THOC2: variants seen among roughly 807,000 people sequenced by gnomAD.
THOC2 encodes the protein THO complex 2.
THOC2 carries 10 observed loss-of-function variants against 128.4 expected under a neutral mutation model. That is an observed-to-expected ratio of 0.08 (90% confidence interval 0.05 to 0.13). THOC2 has a LOEUF of 0.13. Among genes scored for constraint, THOC2 ranks in the 10% least tolerant of loss-of-function variants. The probability of loss-of-function intolerance (pLI) is 1.00; values close to 1 mark genes in which losing one functional copy is unlikely to be tolerated. For missense variants in THOC2, 535 were observed against 1,155.7 expected, an observed-to-expected ratio of 0.46 and a Z score of 7.79; for synonymous variants, 393 against 396.9, an observed-to-expected ratio of 0.99 and a Z score of 0.12.
intron 2 of THOC2, among the ~76,000 whole-genome samples, chrX:123,711,716 GA>G (rs1350491783): frequency 2.7e-4 from 30 of 110,603 alleles, no homozygotes; most frequent in African/African-American, 8.9e-4. Context: ...CCGGGAGGCA[GA>G]GGTTACAGTG....
At chrX:123,676,274 T>C (rs1230223177) in intron 8 of THOC2, among the ~76,000 whole-genome samples, 1 of 111,975 alleles carries the variant, frequency 8.9e-6, no homozygotes, top group African/African-American at 3.2e-5. Context: ...AGTCAAAAGA[T>C]ACAAAAGTAG....
At chrX:123,727,165 C>T (rs1249301284) in intron 1 of THOC2, among the ~76,000 whole-genome samples, 1 of 110,179 alleles carries the variant, frequency 9.1e-6, no homozygotes, top group African/African-American at 3.3e-5. Flanking sequence ...TGCAGTGAGC[C>T]GTGATCGCCT....
At chrX:123,700,789 T>C (rs890444434) in intron 4 of THOC2, among the ~76,000 whole-genome samples, 1 of 111,874 alleles carries the variant, frequency 8.9e-6, no homozygotes, top group African/African-American at 3.2e-5. Flanking sequence ...GGAGTTGATG[T>C]AAGGATTAAA....
At chrX:123,728,475 T>C (rs1394806024) in intron 1 of THOC2, among the ~76,000 whole-genome samples, 1 of 111,060 alleles carries the variant, frequency 9.0e-6, no homozygotes, top group African/African-American at 3.3e-5. Flanking sequence ...CAGGTCGAAA[T>C]GGGAAATTAA....
chrX:123,655,379 T>G (rs1194303845), intron 12 of THOC2, among the ~76,000 whole-genome samples: 1 of 111,799 alleles, frequency 8.9e-6, no homozygotes, highest in East Asian at 2.8e-4. Context: ...GTAGTAAACA[T>G]CAGCCTCAAA....
intron 4 of THOC2, among the ~76,000 whole-genome samples, chrX:123,703,237 T>C (rs903462251): frequency 2.7e-5 from 3 of 112,116 alleles, no homozygotes; most frequent in Non-Finnish European, 5.6e-5. Context: ...GAAATCTACA[T>C]TGTCAAAAAC....
rs1299996726 is a variant in THOC2, at chrX:123,622,774, T to G, written c.3769A>C (p.Asn1257His). The G allele has an allele frequency of 8.4e-7, 1 of 1,187,315 alleles. No individual in the cohort carries two copies. Among genetic ancestry groups the G allele is most frequent in the Non-Finnish European group, 1.1e-6 (1 of 875,573 alleles). Reference protein sequence around the residue: ...TTPKGNSSNGNSGSNSNKAVK... With the variant: ...TTPKGNSSNGHSGSNSNKAVK... ...TGTTCCTACCTGTTAGAGCCACTAT[T>G]TCCATTGCTTGAATTCCCTTTAGGT... is the stretch of plus-strand genomic sequence containing the variant. Residue 1257 changes from asparagine (N) to histidine (H), a missense_variant, in exon 30 of 39, where the codon AAT becomes CAT. Around this residue, in one of 9 missense-constraint regions of THOC2, gnomAD observed 116 missense variants for 180.0 expected, o/e 0.64. Transcript: ENST00000245838.
At chrX:123,703,672 G>A (rs1297416365) in intron 3 of THOC2, among the ~76,000 whole-genome samples, 167 bp from the exon 4 acceptor site, 1 of 94,336 alleles carries the variant, frequency 1.1e-5, no homozygotes, top group Non-Finnish European at 2.0e-5. Flanking sequence ...CAGATGACTT[G>A]AGCCCAAAAG....
intron 1 of THOC2, among the ~76,000 whole-genome samples, chrX:123,732,305 CGGT>C (rs1203417832): frequency 8.9e-6 from 1 of 112,552 alleles, no homozygotes; most frequent in Non-Finnish European, 1.9e-5. Flanking sequence ...AAAGAAATGT[CGGT>C]GGTTCTTCAG....
At chrX:123,628,035 A>G in intron 22 of THOC2, 67 bp from the exon 23 acceptor site, 1 of 894,472 alleles carries the variant, frequency 1.1e-6, no homozygotes, top group Non-Finnish European at 1.6e-6. Flanking sequence ...TTTGACTTTC[A>G]TGGCATAAAA....
In THOC2 at chrX:123,668,395, T is replaced by C. The variant is rs1277537819; in HGVS notation, c.862-81A>G. On this transcript the variant is annotated intron_variant, in intron 9 of 38. Transcript: ENST00000245838. The stretch of plus-strand genomic sequence containing the variant: ...ATAAAAAGGAAACACTATTCTCAAT[T>C]GATAAAACTATAAATAAGAAGTCTA... The C allele has an allele frequency of 2.0e-5, 12 of 597,463 alleles. No homozygotes were observed. In the East Asian group the frequency reaches 4.6e-4, roughly 23 times the overall value. The allele number at this position is 597,463 out of a possible 1,213,427, so 49.2% of individuals were successfully genotyped here.
At chrX:123,731,779 C>T (rs756137489) in intron 1 of THOC2, among the ~76,000 whole-genome samples, 2 of 111,181 alleles carry the variant, frequency 1.8e-5, no homozygotes, top group Non-Finnish European at 3.8e-5. Flanking sequence ...CATAGGCTGG[C>T]ACTATTACAA....
At chrX:123,671,873 A>G (rs1474169292) in intron 8 of THOC2, 112 bp from the exon 9 acceptor site, 3 of 375,538 alleles carry the variant, frequency 8.0e-6, no homozygotes, top group Non-Finnish European at 1.4e-5. Flanking sequence ...AGGCCAAGAA[A>G]ATGCTTCACT....
intron 3 of THOC2, among the ~76,000 whole-genome samples, chrX:123,704,401 G>C (rs1394763259): frequency 8.9e-6 from 1 of 111,876 alleles, no homozygotes; most frequent in Non-Finnish European, 1.9e-5. Context: ...GAATATATTT[G>C]GTAATGCTGG....
At position 123,648,674 on chromosome X, in the gene THOC2, C is replaced by G. The variant is rs1003048102; in HGVS notation, c.1387-3299G>C. Among the ~76,000 whole-genome samples, 3 of 112,099 alleles carry G rather than the reference C, an allele frequency of 2.7e-5. No individual in the cohort carries two copies. In the Admixed American group the frequency reaches 2.8e-4, roughly 11 times the overall value. On this transcript the variant is annotated intron_variant, in intron 12 of 38. Transcript: ENST00000245838. ...GAGGCTTGAGTAGGCGGGTTTTCCCCTCACAGTGTAAACAAAGCTGCTGGG... is the reference window on the plus strand; with the variant it reads ...GAGGCTTGAGTAGGCGGGTTTTCCCGTCACAGTGTAAACAAAGCTGCTGGG...
In THOC2 at chrX:123,614,107, T is replaced by C. The variant is rs1413809073; in HGVS notation, c.4394A>G (p.Glu1465Gly). Residue 1465 changes from glutamate to glycine, a missense_variant, in exon 34 of 39, where the codon GAA (glutamate) becomes GGA (glycine). Coordinates refer to ENST00000245838, the MANE Select transcript of THOC2 (RefSeq NM_001081550.2). ...MDKKDLDKSR[E>G]RSREREKKDE... is the part of the protein sequence containing the mutation. Reference sequence around the variant, plus strand: ...TTTTTTCTCTCTTTCTCTGGATCTTTCCCTTGACTTGTCCAAATCTTTCTT... The same window carrying C: ...TTTTTTCTCTCTTTCTCTGGATCTTCCCCTTGACTTGTCCAAATCTTTCTT... 1 of 1,204,967 alleles carries C rather than the reference T, an allele frequency of 8.3e-7. No homozygotes were observed. The highest frequency in any genetic ancestry group is 1.8e-5 in the African/African-American group (1 of 57,105).
intron 1 of THOC2, among the ~76,000 whole-genome samples, chrX:123,727,548 T>C (rs780833843): frequency 5.5e-4 from 62 of 112,647 alleles, no homozygotes; most frequent in South Asian, 1.8e-3. Flanking sequence ...AAATTGAAAT[T>C]ATTTTAATCC....
At chrX:123,729,595 T>A (rs935181215) in intron 1 of THOC2, among the ~76,000 whole-genome samples, 1 of 112,379 alleles carries the variant, frequency 8.9e-6, no homozygotes, top group African/African-American at 3.2e-5. Context: ...CACATTATTT[T>A]TAAAAAGATA....
chrX:123,679,315 G>T (rs2049650326), intron 8 of THOC2, among the ~76,000 whole-genome samples: 1 of 111,491 alleles, frequency 9.0e-6, no homozygotes, highest in Non-Finnish European at 1.9e-5. Context: ...GTCCTTAAAT[G>T]ACCTATCAGA....
Sources: allele counts gnomAD v4.1 joint callset (sites outside exome capture counted in the v4.1 genomes callset), GRCh38; gene constraint gnomAD v4.1.1; regional missense constraint gnomAD v4.1.1; transcripts MANE v1.5; gene names NCBI Gene and HGNC (gene_info 2026-07-23, HGNC 2026-07-21).